AQP9: variants seen among roughly 807,000 people sequenced by gnomAD.
AQP9 encodes the protein aquaporin-9.
Under a neutral mutation model 23.8 loss-of-function variants are expected in AQP9, and 19 were observed. That is an observed-to-expected ratio of 0.80 (90% CI 0.56 to 1.17). The LOEUF (loss-of-function observed/expected upper bound fraction) is 1.17. Ranked by LOEUF, AQP9 falls within the 50% of genes most tolerant of loss-of-function variation. The pLI is 0.00. For missense variants in AQP9, 413 were observed against 362.0 expected (o/e 1.14, Z -1.14); for synonymous variants, 153 against 131.5 (o/e 1.16, Z -1.12).
chr15:58,142,397 C>A (rs1056636189), intron 1 of AQP9, among the ~76,000 whole-genome samples: 45 of 152,286 alleles, frequency 3.0e-4, no homozygotes, highest in African/African-American at 1.1e-3. Context: ...CCCAAGCGAA[C>A]TTGACAAAGT....
chr15:58,182,770 TCCATCAA>T (rs1263325896), intron 5 of AQP9, among the ~76,000 whole-genome samples: 1 of 152,166 alleles, frequency 6.6e-6, no homozygotes, highest in Non-Finnish European at 1.5e-5. Flanking sequence ...TCAGTGCTCT[TCCATCAA>T]CCCTGCAAGG....
chr15:58,172,128 T>C (rs776153787), intron 2 of AQP9, among the ~76,000 whole-genome samples: 6 of 152,220 alleles, frequency 3.9e-5, no homozygotes, highest in Non-Finnish European at 7.3e-5. Context: ...ACACAGGCTC[T>C]AGAATTCAGA....
intron 4 of AQP9, among the ~76,000 whole-genome samples, chr15:58,176,222 G>A (rs746463966): frequency 6.6e-6 from 1 of 152,108 alleles, no homozygotes; most frequent in Non-Finnish European, 1.5e-5. Flanking sequence ...TGCAAAATAA[G>A]ATATAATTAG....
In AQP9 at chr15:58,185,536, G is replaced by C. The variant is rs1899010641; in HGVS notation, c.*1401G>C. The C allele has an allele frequency of 6.6e-6, 1 of 152,250 alleles. No individual in the cohort carries two copies. The allele number at this position is 152,250 out of a possible 1,614,324, so 9.4% of individuals were successfully genotyped here. On this transcript the variant is annotated 3_prime_UTR_variant, in exon 6 of 6. Transcript: ENST00000219919. Reference sequence around the variant, plus strand: ...GGCCTCCCTTCCTAAGCCACCTCTGGTCTTGCTAAGTCTTGATCTTGCTTC... The same window carrying C: ...GGCCTCCCTTCCTAAGCCACCTCTGCTCTTGCTAAGTCTTGATCTTGCTTC...
At chr15:58,171,082 G>A (rs1009689974) in intron 2 of AQP9, among the ~76,000 whole-genome samples, 3 of 148,098 alleles carry the variant, frequency 2.0e-5, no homozygotes, top group Non-Finnish European at 3.0e-5. Context: ...GAGCCACCAC[G>A]CCCAACTAAT....
intron 1 of AQP9, among the ~76,000 whole-genome samples, chr15:58,148,469 T>C (rs996316717): frequency 1.1e-4 from 17 of 152,162 alleles, no homozygotes; most frequent in Non-Finnish European, 2.2e-4. Flanking sequence ...ACATCAGTCC[T>C]CAGAACTCCT....
At chr15:58,152,682 T>G (rs900171942) in intron 1 of AQP9, 4 of 152,088 alleles carry the variant, frequency 2.6e-5, no homozygotes, top group African/African-American at 9.7e-5. Context: ...AGCCAACCCC[T>G]GCAAAAAAGA....
At chr15:58,145,188 T>G (rs1898022876) in intron 1 of AQP9, among the ~76,000 whole-genome samples, 1 of 152,060 alleles carries the variant, frequency 6.6e-6, no homozygotes, top group Non-Finnish European at 1.5e-5. Context: ...TTTTCTCCTC[T>G]GTGTGCCCTT....
At chr15:58,180,184 C>A (rs1288636365) in intron 5 of AQP9, among the ~76,000 whole-genome samples, 13 of 152,204 alleles carry the variant, frequency 8.5e-5, no homozygotes, top group Non-Finnish European at 1.5e-4. Flanking sequence ...CCCATGGCAA[C>A]TTCCTATGGG....
Position 58,173,123 on chromosome 15 carries a change from A to G in AQP9, c.294A>G (p.Lys98=). 1 of 1,614,016 alleles carries G rather than the reference A, an allele frequency of 6.2e-7. No homozygotes were observed. Among genetic ancestry groups the G allele is most frequent in the Non-Finnish European group, 8.5e-7 (1 of 1,179,896 alleles). The part of the protein sequence containing the change: ...SLAMCLFGRM[K]WFKLPFYVGA... ...CAATGTGTCTCTTTGGACGGATGAA[A>G]TGGTTCAAATTGCCATTTTATGTGG... is the stretch of plus-strand genomic sequence containing the variant. Residue 98 remains lysine, a synonymous_variant, in exon 3 of 6, where the codon AAA becomes AAG. Coordinates refer to ENST00000219919, the MANE Select transcript of AQP9 (RefSeq NM_020980.5).
intron 1 of AQP9, among the ~76,000 whole-genome samples, chr15:58,163,727 A>G (rs1449539999): frequency 6.6e-6 from 1 of 152,194 alleles, no homozygotes; most frequent in Non-Finnish European, 1.5e-5. Flanking sequence ...AGGTGAGATC[A>G]GGGAATCACG....
intron 1 of AQP9, among the ~76,000 whole-genome samples, chr15:58,157,147 T>C (rs1243554335): frequency 6.6e-6 from 1 of 152,192 alleles, no homozygotes; most frequent in African/African-American, 2.4e-5. Context: ...AATGACAAAA[T>C]ATCTACTTGA....
chr15:58,145,948 T>C (rs1299553450), intron 1 of AQP9, among the ~76,000 whole-genome samples: 1 of 152,242 alleles, frequency 6.6e-6, no homozygotes, highest in Non-Finnish European at 1.5e-5. Flanking sequence ...CAGGTGTCTC[T>C]GTCATTTTTC....
chr15:58,170,618 T>C (rs1898599468), intron 2 of AQP9, among the ~76,000 whole-genome samples: 1 of 152,088 alleles, frequency 6.6e-6, no homozygotes, highest in African/African-American at 2.4e-5. Context: ...TTGGCCAGGA[T>C]TATCTTGATT....
chr15:58,182,276 T>A lies in AQP9; in HGVS notation c.714-1685T>A, dbSNP rs532155087. On this transcript the variant is annotated intron_variant, in intron 5 of 5. Coordinates refer to ENST00000219919, the MANE Select transcript of AQP9 (RefSeq NM_020980.5). ...CAAAGTATTGAATCCCTAAAGATGG[T>A]CCTTTAGACAGTTAACATACACATG... Among the ~76,000 whole-genome samples, 95 of 152,296 alleles carry A rather than the reference T, an allele frequency of 6.2e-4. 1 individual carries two copies. Among genetic ancestry groups the A allele is most frequent in the Non-Finnish European group, 1.1e-3 (75 of 68,018 alleles).
intron 1 of AQP9, among the ~76,000 whole-genome samples, chr15:58,144,945 T>C (rs1237324830): frequency 7.6e-6 from 1 of 131,036 alleles, no homozygotes; most frequent in South Asian, 2.4e-4. Flanking sequence ...ACCCGGAAGG[T>C]GGAGGTTGCA....
In AQP9 at chr15:58,173,174, G is replaced by C; in HGVS notation, c.345G>C (p.Val115=). The C allele has an allele frequency of 6.2e-7, 1 of 1,614,130 alleles. No homozygotes were observed. The highest frequency in any genetic ancestry group is 1.1e-5 in the South Asian group (1 of 91,076). ...YVGAQFLGAF[V]GAATVFGIYY... ...GAGCCCAGTTCTTGGGAGCCTTTGT[G>C]GGGGCTGCAACCGTCTTTGGCATTT... is the stretch of plus-strand genomic sequence containing the variant. Residue 115 remains valine (V), a synonymous_variant, in exon 3 of 6, where the codon GTG becomes GTC. Coordinates refer to ENST00000219919, the MANE Select transcript of AQP9 (RefSeq NM_020980.5).
chr15:58,171,245 G>A (rs1330262586), intron 2 of AQP9, among the ~76,000 whole-genome samples: 9 of 151,938 alleles, frequency 5.9e-5, no homozygotes, highest in Admixed American at 1.3e-4. Context: ...CTGCCACCAC[G>A]CCCAGCTAAT....
At chr15:58,153,539 G>T (rs1898190965) in intron 1 of AQP9, 1 of 151,974 alleles carries the variant, frequency 6.6e-6, no homozygotes, top group Non-Finnish European at 1.5e-5. Context: ...CCTTATAATA[G>T]TCACAATTGG....
Sources: gnomAD v4.1 joint callset for allele counts (sites outside exome capture counted in the v4.1 genomes callset) on GRCh38, gnomAD v4.1.1 for gene constraint, MANE v1.5 for transcripts, NCBI Gene and HGNC (gene_info 2026-07-23, HGNC 2026-07-21) for gene names.